TAS2R1: variants seen among roughly 807,000 people sequenced by gnomAD.
The protein encoded by TAS2R1 is taste receptor type 2 member 1.
For synonymous variants in TAS2R1, 141 were observed against 134.2 expected, an observed-to-expected ratio of 1.05 and a Z score of -0.35; for missense variants, 370 against 353.4, an observed-to-expected ratio of 1.05 and a Z score of -0.38.
chr5:9,727,071 C>G, the TAS2R1 span, among the ~76,000 whole-genome samples: 4 of 152,164 alleles, frequency 2.6e-5, no homozygotes, highest in African/African-American at 9.7e-5. Context: ...ATTTGAAATT[C>G]CAGTCACAGC....
intron 1 of TAS2R1, among the ~76,000 whole-genome samples, chr5:9,698,896 C>T (rs542450606): frequency 1.3e-5 from 2 of 152,270 alleles, no homozygotes; most frequent in Admixed American, 6.5e-5. Context: ...TTAGATTAAT[C>T]TTTCCCAATA....
the TAS2R1 span, among the ~76,000 whole-genome samples, chr5:9,720,634 A>G: frequency 3.1e-4 from 47 of 152,222 alleles, no homozygotes; most frequent in Non-Finnish European, 6.9e-4. Context: ...ACCTGTCTGC[A>G]GTAGGAATGT....
the TAS2R1 span, among the ~76,000 whole-genome samples, chr5:9,871,790 C>T: frequency 6.6e-6 from 1 of 152,120 alleles, no homozygotes; most frequent in Non-Finnish European, 1.5e-5. Context: ...GCACTAGTTG[C>T]CATTGAGCAT....
At chr5:9,641,065 G>A (rs1186530928) in intron 2 of TAS2R1, among the ~76,000 whole-genome samples, 1 of 151,780 alleles carries the variant, frequency 6.6e-6, no homozygotes, top group Non-Finnish European at 1.5e-5. Context: ...GAACACTAAA[G>A]TGGGAAAGTG....
At chr5:9,730,875 C>A in the TAS2R1 span, among the ~76,000 whole-genome samples, 1 of 152,186 alleles carries the variant, frequency 6.6e-6, no homozygotes, top group African/African-American at 2.4e-5. Flanking sequence ...TAAGGCATTT[C>A]CCTTTTCTCT....
chr5:9,759,123 C>T, the TAS2R1 span, among the ~76,000 whole-genome samples: 1 of 152,306 alleles, frequency 6.6e-6, no homozygotes, highest in Admixed American at 6.5e-5. Flanking sequence ...CTCTTTGTAA[C>T]ATCTAAGGTA....
intron 2 of TAS2R1, among the ~76,000 whole-genome samples, chr5:9,656,854 C>T (rs1322082316): frequency 2.6e-5 from 4 of 152,164 alleles, no homozygotes; most frequent in Non-Finnish European, 5.9e-5. Flanking sequence ...AGAAAATTAT[C>T]AGAAATATGT....
chr5:9,734,422 T>C, the TAS2R1 span, among the ~76,000 whole-genome samples: 3 of 152,236 alleles, frequency 2.0e-5, no homozygotes, highest in South Asian at 6.2e-4. Flanking sequence ...GACTCTAATA[T>C]CTTGATTTAT....
chr5:9,649,444 T>C (rs1740260887), intron 2 of TAS2R1, among the ~76,000 whole-genome samples: 1 of 152,230 alleles, frequency 6.6e-6, no homozygotes, highest in South Asian at 2.1e-4. Context: ...ATGACCTCAT[T>C]GTAGTTGCAC....
At chr5:9,840,876 T>C in the TAS2R1 span, among the ~76,000 whole-genome samples, 2 of 72,948 alleles carry the variant, frequency 2.7e-5, no homozygotes, top group Non-Finnish European at 5.0e-5. Flanking sequence ...TTTTTTTTTT[T>C]TTTTTTTTTT....
chr5:9,860,660 G>A, the TAS2R1 span, among the ~76,000 whole-genome samples: 2 of 152,172 alleles, frequency 1.3e-5, no homozygotes, highest in African/African-American at 4.8e-5. Flanking sequence ...TACTGCGGAA[G>A]GAGAGAGGGA....
the TAS2R1 span, among the ~76,000 whole-genome samples, chr5:9,730,658 G>T: frequency 2.6e-5 from 4 of 152,152 alleles, no homozygotes; most frequent in African/African-American, 9.7e-5. Context: ...AGCTGGGGCA[G>T]GTGCACCACC....
chr5:9,704,771 GGAT>G (rs1464618612), intron 1 of TAS2R1, among the ~76,000 whole-genome samples: 2 of 152,122 alleles, frequency 1.3e-5, no homozygotes, highest in Non-Finnish European at 2.9e-5. Flanking sequence ...TAACACTCAA[GGAT>G]GATAAGAGAG....
intron 1 of TAS2R1, among the ~76,000 whole-genome samples, chr5:9,705,859 T>TC (rs140835906): frequency 0.19 from 28,645 of 150,804 alleles, 3,271 homozygotes; most frequent in Admixed American, 0.32. Flanking sequence ...TGAAACTCCA[T>TC]CCCCCCCCAA....
the TAS2R1 span, among the ~76,000 whole-genome samples, chr5:9,746,379 C>A: frequency 3.9e-5 from 6 of 152,212 alleles, no homozygotes; most frequent in South Asian, 1.0e-3. Flanking sequence ...GGATCTAGAA[C>A]CAGAAATATC....
chr5:9,671,570 T>C (rs1181503147), intron 1 of TAS2R1, among the ~76,000 whole-genome samples: 2 of 152,060 alleles, frequency 1.3e-5, no homozygotes, highest in Admixed American at 1.3e-4. Context: ...TACCTAAGAA[T>C]ATAGCTAACC....
At chr5:9,683,912 T>A (rs1186893515) in intron 1 of TAS2R1, among the ~76,000 whole-genome samples, 1 of 152,172 alleles carries the variant, frequency 6.6e-6, no homozygotes, top group Admixed American at 6.5e-5. Flanking sequence ...GTTGCCAGCA[T>A]CTACGGAAGT....
the TAS2R1 span, among the ~76,000 whole-genome samples, chr5:9,811,433 C>T: frequency 6.6e-6 from 1 of 152,158 alleles, no homozygotes. Context: ...ATGAAGTGGG[C>T]ATCCCCTGCC....
the TAS2R1 span, among the ~76,000 whole-genome samples, chr5:9,799,942 A>AT: frequency 6.6e-6 from 1 of 152,334 alleles, no homozygotes; most frequent in East Asian, 1.9e-4. Flanking sequence ...TCCCACAAGC[A>AT]TTTTTGAATA....
Sources: allele counts gnomAD v4.1 joint callset (sites outside exome capture counted in the v4.1 genomes callset), GRCh38; gene constraint gnomAD v4.1.1; transcripts MANE v1.5; gene names NCBI Gene and HGNC (gene_info 2026-07-23, HGNC 2026-07-21).